Variants in SP100 observed in about 807,000 individuals in gnomAD.
The protein encoded by SP100 is SP100 nuclear body protein, also known as nuclear autoantigen Sp-100.
A neutral mutation model predicts 130.0 loss-of-function variants in SP100; 84 were observed. That is an observed-to-expected ratio of 0.65 (90% confidence interval 0.54 to 0.77). The LOEUF is 0.77. SP100 is among the 30% of genes least tolerant of loss of function. SP100 has a pLI of 0.00. For missense variants in SP100, 978 were observed against 1,052.2 expected, an observed-to-expected ratio of 0.93 and a Z score of 0.97; for synonymous variants, 331 against 351.7, an observed-to-expected ratio of 0.94 and a Z score of 0.66.
intron 22 of SP100, 125 bp downstream of exon 22, chr2:230,506,570 A>C (rs2150072928): frequency 1.1e-6 from 1 of 893,892 alleles, no homozygotes; most frequent in East Asian, 2.6e-5. Context: ...GTCTCCATGC[A>C]TATGTTATTA....
intron 19 of SP100, among the ~76,000 whole-genome samples, chr2:230,501,891 T>A (rs1443512332): frequency 6.6e-6 from 1 of 152,204 alleles, no homozygotes; most frequent in Non-Finnish European, 1.5e-5. Context: ...TTTTTTGAGA[T>A]GGAGTCTCGC....
intron 24 of SP100, among the ~76,000 whole-genome samples, chr2:230,526,770 T>G (rs1280499742): frequency 6.6e-6 from 1 of 152,146 alleles, no homozygotes; most frequent in African/African-American, 2.4e-5. Flanking sequence ...GAGAACTTCA[T>G]GACGCACGCA....
chr2:230,513,582 A>T (rs1690740110), intron 24 of SP100, among the ~76,000 whole-genome samples: 1 of 151,980 alleles, frequency 6.6e-6, no homozygotes, highest in African/African-American at 2.4e-5. Flanking sequence ...AAGGGGATAG[A>T]TGTTCTTCAT....
At chr2:230,442,838 C>A in intron 2 of SP100, 99 bp from the exon 3 acceptor site, 1 of 1,020,588 alleles carries the variant, frequency 9.8e-7, no homozygotes, top group South Asian at 1.4e-5. Flanking sequence ...TATATATGTT[C>A]ATTCTTTGTA....
intron 1 of SP100, chr2:230,416,661 C>T (rs543796963): frequency 9.0e-5 from 78 of 865,030 alleles, no homozygotes; most frequent in African/African-American, 5.4e-4. Context: ...CCTTTCACCC[C>T]TCAGCCTTCC....
At chr2:230,459,841 G>T (rs958017445) in intron 8 of SP100, among the ~76,000 whole-genome samples, 2 of 152,192 alleles carry the variant, frequency 1.3e-5, no homozygotes, top group Non-Finnish European at 2.9e-5. Flanking sequence ...TTCCAAAATA[G>T]AAACCAGTTG....
chr2:230,436,177 C>A (rs1204094432), intron 2 of SP100, among the ~76,000 whole-genome samples: 2 of 152,002 alleles, frequency 1.3e-5, no homozygotes, highest in East Asian at 3.9e-4. Context: ...TTATAGTTTT[C>A]TTCATACAAG....
At position 230,544,459 on chromosome 2, in the gene SP100, C is replaced by G. The variant is rs1197311962; in HGVS notation, c.*1513C>G. ...AATTTACAAGACAAAAAGAAATAAC[C>G]CCATTAAAAAGTGGGCAAAGGACAT... On this transcript the variant is annotated 3_prime_UTR_variant, in exon 29 of 29. Transcript: ENST00000340126. Among the ~76,000 whole-genome samples, 1 of 151,372 alleles carries G rather than the reference C, an allele frequency of 6.6e-6. No homozygotes were observed. Among genetic ancestry groups the G allele is most frequent in the Non-Finnish European group, 1.5e-5 (1 of 67,892 alleles).
intron 8 of SP100, among the ~76,000 whole-genome samples, chr2:230,456,045 T>G (rs2064259942): frequency 6.6e-6 from 1 of 152,228 alleles, no homozygotes. Flanking sequence ...ATATTATTAG[T>G]TAGCATTTAC....
rs546346473 is a variant in SP100, at chr2:230,530,896, G to A, written c.2095-8371G>A. Among the ~76,000 whole-genome samples, 11 of 152,224 alleles carry A rather than the reference G, an allele frequency of 7.2e-5. No homozygotes were observed. The South Asian group carries it at 1.7e-3, about 23-fold the overall frequency. On this transcript the variant is annotated intron_variant, in intron 24 of 28. Coordinates refer to ENST00000340126, the MANE Select transcript of SP100 (RefSeq NM_001080391.2). Reference sequence around the variant, plus strand: ...ACCATCTCACGCCAGGTAGAATGGCGATCATTAAAAAGTCAGGAAACAACA... The same window carrying A: ...ACCATCTCACGCCAGGTAGAATGGCAATCATTAAAAAGTCAGGAAACAACA...
chr2:230,541,143 C>A, intron 26 of SP100, 147 bp downstream of exon 26: 1 of 1,243,992 alleles, frequency 8.0e-7, no homozygotes. Context: ...CGCTACAATT[C>A]ATATTCCAAA....
At chr2:230,467,932 T>C (rs1186295391) in intron 13 of SP100, among the ~76,000 whole-genome samples, 1 of 152,244 alleles carries the variant, frequency 6.6e-6, no homozygotes, top group Admixed American at 6.5e-5. Flanking sequence ...GGTCATACTC[T>C]CTAGTTATTG....
chr2:230,508,262 G>A (rs2150076323), intron 23 of SP100: 4 of 424,170 alleles, frequency 9.4e-6, no homozygotes, highest in Non-Finnish European at 1.2e-5. Flanking sequence ...TAGATTAAAA[G>A]ACAGAACTGA....
At position 230,464,132 on chromosome 2, in the gene SP100, C is replaced by T. The variant is rs1335638714; in HGVS notation, c.1123C>T (p.Arg375Ter). Residue 375 changes from arginine to a stop codon, truncating the protein, a stop_gained, in exon 11 of 29, where the codon CGA becomes TGA. Coordinates refer to ENST00000340126, the MANE Select transcript of SP100 (RefSeq NM_001080391.2). LOFTEE classifies it high-confidence loss of function. ...EKEGQEATCSRPQIVPEPMDF... is the reference protein window; with the variant it reads ...EKEGQEATCS ...GGAGGGCCAAGAAGCCACTTGCTCA[C>T]GACCCCAGATTGTACCAGGTAAGAA... 3 of 1,609,318 alleles carry T rather than the reference C, an allele frequency of 1.9e-6. No homozygotes were observed. Among genetic ancestry groups the T allele is most frequent in the Non-Finnish European group, 2.6e-6 (3 of 1,175,712 alleles).
At chr2:230,486,489 T>C (rs2066104262) in intron 17 of SP100, among the ~76,000 whole-genome samples, 1 of 152,240 alleles carries the variant, frequency 6.6e-6, no homozygotes, top group African/African-American at 2.4e-5. Context: ...TCCATGTCCC[T>C]GCAAAGCACA....
At chr2:230,454,785 G>T (rs2064184675) in intron 8 of SP100, among the ~76,000 whole-genome samples, 1 of 152,046 alleles carries the variant, frequency 6.6e-6, no homozygotes, top group African/African-American at 2.4e-5. Flanking sequence ...TTCTATATAT[G>T]CCTTTTAGGT....
intron 24 of SP100, among the ~76,000 whole-genome samples, chr2:230,535,000 C>A (rs946534034): frequency 1.3e-5 from 2 of 151,874 alleles, no homozygotes; most frequent in African/African-American, 2.4e-5. Flanking sequence ...TTCGAGACCA[C>A]CCTGGCCAAG....
intron 15 of SP100, 37 bp from the exon 16 acceptor site, chr2:230,473,287 T>A (rs2065365724): frequency 7.0e-7 from 1 of 1,427,394 alleles, no homozygotes; most frequent in East Asian, 2.3e-5. Context: ...TGAAGGGGAG[T>A]GGGCACAAAT....
At position 230,542,046 on chromosome 2, in the gene SP100, C is replaced by T; in HGVS notation, c.2547+11C>T. On this transcript the variant is annotated intron_variant, in intron 28 of 28. Transcript: ENST00000340126. ...AAGGAATTTTACAGGGTGAGTGGCT[C>T]TCCCTGCTTCCTTTTCTCTTTCAAT... The T allele has an allele frequency of 2.5e-6, 4 of 1,613,360 alleles. No homozygotes were observed. The highest frequency in any genetic ancestry group is 3.4e-6 in the Non-Finnish European group (4 of 1,179,572).
Sources: gnomAD v4.1 joint callset for allele counts (sites outside exome capture counted in the v4.1 genomes callset) on GRCh38, gnomAD v4.1.1 for gene constraint, MANE v1.5 for transcripts, NCBI Gene and HGNC (gene_info 2026-07-23, HGNC 2026-07-21) for gene names.